TSPAN15: variants seen among roughly 807,000 people sequenced by gnomAD.
TSPAN15 encodes tetraspanin 15.
In TSPAN15, 20 loss-of-function variants were observed where a neutral mutation model predicts 34.5. The observed-to-expected ratio is 0.58, with a 90% CI of 0.41 to 0.84. The LOEUF is 0.84. TSPAN15 is among the 40% of genes least tolerant of loss of function. TSPAN15 has a pLI of 0.00. For synonymous variants in TSPAN15, 155 were observed against 153.9 expected (o/e 1.01, Z -0.05); for missense variants, 313 against 386.1 (o/e 0.81, Z 1.59).
chr10:69,469,112 C>CTT (rs57899787), intron 1 of TSPAN15, among the ~76,000 whole-genome samples: 3 of 142,368 alleles, frequency 2.1e-5, no homozygotes, highest in Non-Finnish European at 1.5e-5. Context: ...CTATGTAAAA[C>CTT]TTTTTTTTTT....
At chr10:69,543,032 G>A in the TSPAN15 span, among the ~76,000 whole-genome samples, 2 of 152,180 alleles carry the variant, frequency 1.3e-5, no homozygotes, top group African/African-American at 4.8e-5. Context: ...TCCCTTTAGG[G>A]GAAGTCTTTC....
intron 5 of TSPAN15, among the ~76,000 whole-genome samples, chr10:69,499,292 G>A (rs1435948730): frequency 6.6e-6 from 1 of 152,230 alleles, no homozygotes; most frequent in African/African-American, 2.4e-5. Flanking sequence ...GCAGCTGCGG[G>A]TGGGGGCCTC....
At chr10:69,495,408 C>T (rs540967692) in intron 3 of TSPAN15, 186 bp from the exon 4 acceptor site, 67 of 586,108 alleles carry the variant, frequency 1.1e-4, no homozygotes, top group Non-Finnish European at 1.5e-4. Context: ...ACTGGAGGCA[C>T]GGGGAGGATG....
chr10:69,498,178 C>T, intron 4 of TSPAN15, 102 bp from the exon 5 acceptor site: 1 of 1,006,808 alleles, frequency 9.9e-7, no homozygotes, highest in Non-Finnish European at 1.6e-6. Flanking sequence ...CAGGGTGACC[C>T]ACATAATAAA....
chr10:69,467,051 A>C (rs1300145758), intron 1 of TSPAN15, among the ~76,000 whole-genome samples: 1 of 152,158 alleles, frequency 6.6e-6, no homozygotes, highest in African/African-American at 2.4e-5. Flanking sequence ...CACTTTCTGC[A>C]CAGGGTTTCA....
intron 4 of TSPAN15, among the ~76,000 whole-genome samples, chr10:69,496,794 T>G (rs545209653): frequency 2.6e-5 from 4 of 152,216 alleles, no homozygotes; most frequent in Admixed American, 2.0e-4. Context: ...AGGTGCAGCC[T>G]CTGGAAGGTC....
At position 69,463,244 on chromosome 10, in the gene TSPAN15, G is replaced by A. The variant is rs367858899; in HGVS notation, c.96+11554G>A. ...ATTTTTCCTCCTTCAATGATATCTCGAGTTTGAGAACTCTCGATGCAGGAT... is the reference window on the plus strand; with the variant it reads ...ATTTTTCCTCCTTCAATGATATCTCAAGTTTGAGAACTCTCGATGCAGGAT... On this transcript the variant is annotated intron_variant, in intron 1 of 7. Coordinates refer to ENST00000373290, the MANE Select transcript of TSPAN15 (RefSeq NM_012339.5). 4.6e-5 allele frequency among the ~76,000 whole-genome samples: 7 copies of A among 152,224 alleles called. No individual in the cohort carries two copies. The South Asian group carries it at 1.2e-3, about 27-fold the overall frequency.
rs528978750 is a variant in TSPAN15, at chr10:69,452,858, G to A, written c.96+1168G>A. 2.0e-5 allele frequency among the ~76,000 whole-genome samples: 3 copies of A among 152,180 alleles called. No homozygotes were observed. In the South Asian group the frequency reaches 6.2e-4, roughly 32 times the overall value. The stretch of plus-strand genomic sequence containing the variant: ...CACCAAATACACACACTCTCCCCTG[G>A]TGTCCTCCTTAGCCCCTTGCTGGGT... On this transcript the variant is annotated intron_variant, in intron 1 of 7. Transcript: ENST00000373290.
At chr10:69,462,926 C>T (rs1315918115) in intron 1 of TSPAN15, among the ~76,000 whole-genome samples, 1 of 152,118 alleles carries the variant, frequency 6.6e-6, no homozygotes, top group Non-Finnish European at 1.5e-5. Flanking sequence ...AGTAGGGCCC[C>T]ATGTGGGCGA....
chr10:69,548,757 G>A, the TSPAN15 span, among the ~76,000 whole-genome samples: 1 of 152,134 alleles, frequency 6.6e-6, no homozygotes, highest in Admixed American at 6.5e-5. Flanking sequence ...AAAAAATCCA[G>A]GGAAAGGACA....
chr10:69,548,145 A>G, the TSPAN15 span, among the ~76,000 whole-genome samples: 1 of 152,146 alleles, frequency 6.6e-6, no homozygotes, highest in Non-Finnish European at 1.5e-5. Context: ...TGCTGTAATC[A>G]GAAAGGGGGG....
the TSPAN15 span, among the ~76,000 whole-genome samples, chr10:69,525,344 AT>A: frequency 5.4e-5 from 8 of 146,996 alleles, 2 homozygotes; most frequent in Non-Finnish European, 7.5e-5. Flanking sequence ...AGACATAAAG[AT>A]TTTTTTTTAT....
intron 1 of TSPAN15, among the ~76,000 whole-genome samples, chr10:69,483,089 C>T (rs1015508817): frequency 1.3e-5 from 2 of 152,138 alleles, no homozygotes; most frequent in East Asian, 1.9e-4. Flanking sequence ...CCTGGGTTCA[C>T]GCCATTCTCC....
At chr10:69,489,391 A>G (rs1841922062) in intron 3 of TSPAN15, among the ~76,000 whole-genome samples, 1 of 152,248 alleles carries the variant, frequency 6.6e-6, no homozygotes, top group African/African-American at 2.4e-5. Context: ...CAATTATCGT[A>G]GTGGCCGTAA....
At chr10:69,530,830 A>G in the TSPAN15 span, among the ~76,000 whole-genome samples, 4 of 76,852 alleles carry the variant, frequency 5.2e-5, no homozygotes, top group African/African-American at 2.2e-4. Flanking sequence ...CTATATATAT[A>G]TATATATATA....
intron 3 of TSPAN15, among the ~76,000 whole-genome samples, chr10:69,486,424 C>CT (rs113397224): frequency 2.6e-4 from 39 of 151,898 alleles, no homozygotes; most frequent in Non-Finnish European, 4.6e-4. Flanking sequence ...GCCAAGTTAT[C>CT]TTTTTTTTTA....
the TSPAN15 span, among the ~76,000 whole-genome samples, chr10:69,529,465 A>G: frequency 6.8e-6 from 1 of 147,858 alleles, no homozygotes; most frequent in Non-Finnish European, 1.5e-5. Context: ...CATGACTTAG[A>G]AATGTATCAA....
intron 1 of TSPAN15, 73 bp from the exon 2 acceptor site, chr10:69,483,618 C>T: frequency 6.6e-7 from 1 of 1,505,464 alleles, no homozygotes; most frequent in Non-Finnish European, 9.0e-7. Context: ...GGTACCACAG[C>T]CCCAGATGAC....
At chr10:69,480,283 C>T (rs1001415350) in intron 1 of TSPAN15, among the ~76,000 whole-genome samples, 1 of 151,762 alleles carries the variant, frequency 6.6e-6, no homozygotes, top group African/African-American at 2.4e-5. Context: ...AGGATGGGGG[C>T]AGGGGAATGG....
Sources: gnomAD v4.1 joint callset for allele counts (sites outside exome capture counted in the v4.1 genomes callset) on GRCh38, gnomAD v4.1.1 for gene constraint, MANE v1.5 for transcripts, NCBI Gene and HGNC (gene_info 2026-07-23, HGNC 2026-07-21) for gene names.